The following RANBP2 variants were observed in gnomAD, a reference collection of about 807,000 sequenced individuals.
RANBP2 encodes E3 SUMO-protein ligase RanBP2.
In RANBP2, 57 loss-of-function variants were observed where a neutral mutation model predicts 303.6. That is an observed-to-expected ratio of 0.19 (90% CI 0.15 to 0.23). The LOEUF is 0.23. RANBP2 is among the 10% of genes least tolerant of loss of function. The pLI is 1.00. For synonymous variants in RANBP2, 1,167 were observed against 1,301.5 expected (o/e 0.90, Z 2.23); for missense variants, 3,138 against 3,780.8 (o/e 0.83, Z 4.46).
the RANBP2 span, among the ~76,000 whole-genome samples, chr2:108,978,527 A>G: frequency 1.3e-5 from 2 of 152,244 alleles, 1 homozygote; most frequent in South Asian, 4.1e-4. Context: ...CTTAGGGAAC[A>G]TGCAGATCCT....
chr2:109,294,308 C>A, the RANBP2 span, among the ~76,000 whole-genome samples: 1 of 152,006 alleles, frequency 6.6e-6, no homozygotes, highest in African/African-American at 2.4e-5. Context: ...TGCCTGTAAT[C>A]CCAGCACTTT....
chr2:109,312,406 G>A, the RANBP2 span, among the ~76,000 whole-genome samples: 1 of 152,086 alleles, frequency 6.6e-6, no homozygotes, highest in South Asian at 2.1e-4. Context: ...GTGTGCCAGT[G>A]GAATTTATGT....
chr2:109,260,155 A>G, the RANBP2 span, among the ~76,000 whole-genome samples: 1 of 152,176 alleles, frequency 6.6e-6, no homozygotes, highest in African/African-American at 2.4e-5. Context: ...GAATAAATGC[A>G]TTCCCGAGAC....
the RANBP2 span, among the ~76,000 whole-genome samples, chr2:109,500,074 G>A: frequency 6.6e-6 from 1 of 152,152 alleles, no homozygotes; most frequent in African/African-American, 2.4e-5. Flanking sequence ...GAGACAGTGT[G>A]TGGCTGTCCT....
the RANBP2 span, among the ~76,000 whole-genome samples, chr2:108,971,804 T>C: frequency 6.6e-6 from 1 of 152,194 alleles, no homozygotes; most frequent in East Asian, 1.9e-4. Flanking sequence ...TTCCTCTCCC[T>C]GTGTGAACGG....
chr2:108,994,573 G>A, the RANBP2 span, among the ~76,000 whole-genome samples: 1 of 151,948 alleles, frequency 6.6e-6, no homozygotes, highest in Non-Finnish European at 1.5e-5. Flanking sequence ...AATTAAGAGG[G>A]GAGAAAACTG....
At chr2:109,083,834 A>C in the RANBP2 span, among the ~76,000 whole-genome samples, 1 of 152,088 alleles carries the variant, frequency 6.6e-6, no homozygotes, top group Admixed American at 6.6e-5. Flanking sequence ...TTTCCTTGGC[A>C]GCTTTTCCAA....
the RANBP2 span, among the ~76,000 whole-genome samples, chr2:108,856,309 G>A: frequency 7.8e-6 from 1 of 128,132 alleles, no homozygotes; most frequent in African/African-American, 2.9e-5. Context: ...AAATTATCTT[G>A]TTTCAGCTTT....
At chr2:108,937,617 TGA>T in the RANBP2 span, among the ~76,000 whole-genome samples, 3 of 81,296 alleles carry the variant, frequency 3.7e-5, no homozygotes, top group East Asian at 1.9e-4. Context: ...TATATGTGTG[TGA>T]GTGTCTGTAT....
At chr2:108,798,611 G>A in the RANBP2 span, 3 of 1,523,882 alleles carry the variant, frequency 2.0e-6, no homozygotes, top group Non-Finnish European at 1.8e-6. Flanking sequence ...TTTGATTTTA[G>A]AGTGGTATAT....
the RANBP2 span, among the ~76,000 whole-genome samples, chr2:109,069,611 G>A: frequency 1.3e-5 from 2 of 152,380 alleles, no homozygotes; most frequent in South Asian, 4.1e-4. Flanking sequence ...CTTTGTTCCA[G>A]AACGTGGTTC....
At chr2:109,505,899 T>A in the RANBP2 span, among the ~76,000 whole-genome samples, 1 of 152,282 alleles carries the variant, frequency 6.6e-6, no homozygotes, top group East Asian at 1.9e-4. Context: ...CATCACAGTC[T>A]GTCTGGAGAG....
chr2:109,030,581 G>A, the RANBP2 span, among the ~76,000 whole-genome samples: 343 of 152,278 alleles, frequency 2.3e-3, 1 homozygote, highest in African/African-American at 8.0e-3. Context: ...GGGAGTGGTG[G>A]CCTCTTTGAG....
chr2:109,292,386 T>C, the RANBP2 span, among the ~76,000 whole-genome samples: 1 of 152,256 alleles, frequency 6.6e-6, no homozygotes, highest in African/African-American at 2.4e-5. Context: ...TTTTGTATCC[T>C]GGTCTTTTCA....
the RANBP2 span, chr2:108,930,997 G>A: frequency 1.9e-6 from 3 of 1,614,030 alleles, no homozygotes; most frequent in Middle Eastern, 3.3e-4. Flanking sequence ...TCTGCGTGCA[G>A]TCCCCCACAT....
chr2:109,516,207 GC>G, the RANBP2 span, among the ~76,000 whole-genome samples: 224 of 152,204 alleles, frequency 1.5e-3, no homozygotes, highest in African/African-American at 4.8e-3. Flanking sequence ...CAACACATGG[GC>G]CCGAGCAGGT....
chr2:109,613,803 G>A, the RANBP2 span: 1 of 1,233,022 alleles, frequency 8.1e-7, no homozygotes, highest in Non-Finnish European at 1.0e-6. Flanking sequence ...CTCACCAGGT[G>A]CCGCGCCACC....
the RANBP2 span, among the ~76,000 whole-genome samples, chr2:109,299,075 C>T: frequency 6.6e-6 from 1 of 152,190 alleles, no homozygotes; most frequent in South Asian, 2.1e-4. Flanking sequence ...CCTGTCTTCC[C>T]CACAAGCCAC....
the RANBP2 span, among the ~76,000 whole-genome samples, chr2:109,067,720 G>C: frequency 6.6e-6 from 1 of 152,186 alleles, no homozygotes; most frequent in South Asian, 2.1e-4. Flanking sequence ...TCTCCTGGCC[G>C]CGCAATCCTT....
Sources: allele counts gnomAD v4.1 joint callset (sites outside exome capture counted in the v4.1 genomes callset), GRCh38; gene constraint gnomAD v4.1.1; transcripts MANE v1.5; gene names NCBI Gene and HGNC (gene_info 2026-07-23, HGNC 2026-07-21).